Variants in MNDA observed in about 807,000 individuals in gnomAD.
MNDA encodes the protein myeloid cell nuclear differentiation antigen.
A neutral mutation model predicts 37.8 loss-of-function variants in MNDA; 43 were observed. The observed-to-expected ratio is 1.14, with a 90% CI of 0.89 to 1.47. The LOEUF is 1.47. Among genes scored for constraint, MNDA ranks in the 40% most tolerant of loss-of-function variants. The probability of loss-of-function intolerance (pLI) is 0.00; values close to 1 mark genes in which losing one functional copy is unlikely to be tolerated. For missense variants in MNDA, 536 were observed against 476.0 expected (o/e 1.13, Z -1.17); for synonymous variants, 181 against 169.0 (o/e 1.07, Z -0.55).
At chr1:158,835,188 T>C (rs1658882280) in intron 1 of MNDA, among the ~76,000 whole-genome samples, 1 of 152,186 alleles carries the variant, frequency 6.6e-6, no homozygotes, top group South Asian at 2.1e-4. Context: ...ACATTGCAAA[T>C]TGCATTGCAT....
intron 1 of MNDA, among the ~76,000 whole-genome samples, chr1:158,837,523 C>A (rs1658942979): frequency 6.6e-6 from 1 of 151,712 alleles, no homozygotes; most frequent in Non-Finnish European, 1.5e-5. Flanking sequence ...ATAGCAAACT[C>A]TGCTCTCTTA....
At position 158,849,308 on chromosome 1, in the gene MNDA, T is replaced by A; in HGVS notation, c.*71T>A. The A allele has an allele frequency of 7.6e-7, 1 of 1,323,986 alleles. No homozygotes were observed. Among genetic ancestry groups the A allele is most frequent in the Non-Finnish European group, 1.1e-6 (1 of 929,786 alleles). 82.0% of individuals were successfully genotyped at this position (1,323,986 alleles called of 1,614,324 possible). On this transcript the variant is annotated 3_prime_UTR_variant, in exon 7 of 7. Transcript: ENST00000368141. ...TAAGTTGTTAATAACTGTGATTTTGTAAATTTCAGTAATTCATTTAAATGA... is the reference window on the plus strand; with the variant it reads ...TAAGTTGTTAATAACTGTGATTTTGAAAATTTCAGTAATTCATTTAAATGA...
intron 4 of MNDA, among the ~76,000 whole-genome samples, chr1:158,844,635 C>T (rs1051483584): frequency 1.3e-5 from 2 of 151,844 alleles, no homozygotes; most frequent in South Asian, 2.1e-4. Flanking sequence ...CCTGAGACTA[C>T]TTACATGCTA....
chr1:158,846,955 T>A (rs936669979), intron 5 of MNDA, among the ~76,000 whole-genome samples: 1 of 152,168 alleles, frequency 6.6e-6, no homozygotes, highest in African/African-American at 2.4e-5. Context: ...GGACAAGATA[T>A]TGGAAAAGAA....
chr1:158,839,908 G>T (rs547056642), intron 1 of MNDA, among the ~76,000 whole-genome samples: 1 of 152,154 alleles, frequency 6.6e-6, no homozygotes, highest in East Asian at 1.9e-4. Context: ...GTCACTCTCA[G>T]TGAGAAGAGA....
At position 158,845,682 on chromosome 1, in the gene MNDA, A is replaced by G. The variant is rs138007337; in HGVS notation, c.666A>G (p.Pro222=). 3.7e-4 allele frequency: 594 copies of G among 1,614,194 alleles called. 5 individuals are homozygous for G. The African/African-American group carries it at 6.6e-3, about 18-fold the overall frequency. The part of the protein sequence containing the change: ...VTVVVLKATA[P]FKYESPENGK... ...TGGTGGTACTGAAAGCAACAGCGCC[A>G]TTTAAATACGAGTCCCCAGAAAATG... Residue 222 remains proline, a synonymous_variant, in exon 5 of 7, where the codon CCA becomes CCG. Coordinates refer to ENST00000368141, the MANE Select transcript of MNDA (RefSeq NM_002432.3).
chr1:158,844,471 T>C (rs768343982), intron 4 of MNDA, among the ~76,000 whole-genome samples: 7 of 150,314 alleles, frequency 4.7e-5, no homozygotes, highest in Non-Finnish European at 1.0e-4. Context: ...TTCAGAAAAG[T>C]ATTCTGCTGC....
intron 1 of MNDA, among the ~76,000 whole-genome samples, chr1:158,838,775 TA>T (rs904216181): frequency 6.6e-6 from 1 of 152,124 alleles, no homozygotes. Context: ...TTATATCTTT[TA>T]AAAAAGTTTG....
At chr1:158,837,478 T>A (rs550558145) in intron 1 of MNDA, among the ~76,000 whole-genome samples, 1 of 151,866 alleles carries the variant, frequency 6.6e-6, no homozygotes, top group South Asian at 2.1e-4. Flanking sequence ...TTATAACACT[T>A]TTTGACTGTT....
chr1:158,835,938 G>A (rs1658904934), intron 1 of MNDA, among the ~76,000 whole-genome samples: 1 of 150,650 alleles, frequency 6.6e-6, no homozygotes, highest in African/African-American at 2.4e-5. Flanking sequence ...TATCTTAATT[G>A]ATTTTTACAA....
Position 158,845,982 on chromosome 1 carries a change from T to C in MNDA, c.966T>C (p.Tyr322=), listed in dbSNP as rs925636634. The change falls in exon 5 of 7, where the codon TAT becomes TAC. Residue 322 remains tyrosine (Y), a synonymous_variant. Coordinates refer to ENST00000368141, the MANE Select transcript of MNDA (RefSeq NM_002432.3). ...LYKQASGTMV[Y]GLFMLQKKSV... is the part of the protein sequence containing the mutation. ...AGCAAGCATCTGGAACAATGGTGTA[T>C]GGGTTGTTTATGTTACAAAAGGTAA... 3.7e-6 allele frequency: 6 copies of C among 1,608,112 alleles called. No homozygotes were observed. In the Admixed American group the frequency reaches 6.8e-5, roughly 18 times the overall value.
In MNDA at chr1:158,849,467, C is replaced by T. The variant is rs1659204994; in HGVS notation, c.*230C>T. 2.2e-6 allele frequency: 1 copy of T among 450,212 alleles called. No individual in the cohort carries two copies. The allele number at this position is 450,212 out of a possible 1,614,324, so 27.9% of individuals were successfully genotyped here. ...TATTACATTTTGCTTTTATGACATT[C>T]ACGAGGCAAAAAATAAAATATCTTT... is the stretch of plus-strand genomic sequence containing the variant. On this transcript the variant is annotated 3_prime_UTR_variant, in exon 7 of 7. Transcript: ENST00000368141.
chr1:158,833,066 A>G (rs1658837178), intron 1 of MNDA, among the ~76,000 whole-genome samples: 1 of 152,152 alleles, frequency 6.6e-6, no homozygotes, highest in Non-Finnish European at 1.5e-5. Context: ...CTGGTCCCCC[A>G]AACATACAAC....
intron 4 of MNDA, 130 bp downstream of exon 4, chr1:158,844,252 T>C (rs1659090823): frequency 1.0e-6 from 1 of 967,424 alleles, no homozygotes; most frequent in Admixed American, 3.0e-5. Context: ...GTTTTCCATA[T>C]TATGATAACT....
Position 158,849,254 on chromosome 1 carries a change from T to C in MNDA, c.*17T>C, listed in dbSNP as rs760777259. 1.2e-6 allele frequency: 2 copies of C among 1,608,234 alleles called. No individual in the cohort carries two copies. The highest frequency in any genetic ancestry group is 2.2e-5 in the South Asian group (2 of 90,076). On this transcript the variant is annotated 3_prime_UTR_variant, in exon 7 of 7. Coordinates refer to ENST00000368141, the MANE Select transcript of MNDA (RefSeq NM_002432.3). Reference sequence around the variant, plus strand: ...GTTAATTGAAATATGAAAGCTGAAATGCAACAAACAACTTCCGCTTAAAAC... The same window carrying C: ...GTTAATTGAAATATGAAAGCTGAAACGCAACAAACAACTTCCGCTTAAAAC...
At position 158,835,560 on chromosome 1, in the gene MNDA, C is replaced by G. The variant is rs1475783942; in HGVS notation, c.-21+4003C>G. Among the ~76,000 whole-genome samples the G allele has an allele frequency of 6.9e-5, 8 of 116,196 alleles. No homozygotes were observed. In the Admixed American group the frequency reaches 9.0e-4, roughly 13 times the overall value. The allele number at this position is 116,196 out of a possible 152,430, so 76.2% of individuals were successfully genotyped here. A position where few individuals can be genotyped will look rare whatever the true frequency, so the allele number is the denominator to read the frequency against. Reference sequence around the variant, plus strand: ...TCACCAGTAAAGAGAGAGAATTTACCTTTTTTCTTTCTTATTTGGATATTT... The same window carrying G: ...TCACCAGTAAAGAGAGAGAATTTACGTTTTTTCTTTCTTATTTGGATATTT... On this transcript the variant is annotated intron_variant, in intron 1 of 6. Coordinates refer to ENST00000368141, the MANE Select transcript of MNDA (RefSeq NM_002432.3).
intron 5 of MNDA, among the ~76,000 whole-genome samples, chr1:158,847,271 T>C (rs1225461907): frequency 6.6e-6 from 1 of 152,188 alleles, no homozygotes; most frequent in African/African-American, 2.4e-5. Context: ...AATTAATCCA[T>C]GTAACCCAAA....
intron 1 of MNDA, among the ~76,000 whole-genome samples, chr1:158,840,117 T>A (rs1288315675): frequency 6.6e-6 from 1 of 152,188 alleles, no homozygotes; most frequent in East Asian, 1.9e-4. Flanking sequence ...GCACTGCAAG[T>A]GTCCCAGTAG....
chr1:158,836,929 T>G (rs1038442459), intron 1 of MNDA, among the ~76,000 whole-genome samples: 4 of 151,890 alleles, frequency 2.6e-5, no homozygotes, highest in Non-Finnish European at 5.9e-5. Context: ...TCTCTAAATA[T>G]GGATTTAAAT....
Sources: gnomAD v4.1 joint callset for allele counts (sites outside exome capture counted in the v4.1 genomes callset) on GRCh38, gnomAD v4.1.1 for gene constraint, MANE v1.5 for transcripts, NCBI Gene and HGNC (gene_info 2026-07-23, HGNC 2026-07-21) for gene names.